Variants in DYNC2LI1 observed in about 807,000 individuals in gnomAD.
The protein encoded by DYNC2LI1 is cytoplasmic dynein 2 light intermediate chain 1.
A neutral mutation model predicts 51.9 loss-of-function variants in DYNC2LI1; 45 were observed. That is an observed-to-expected ratio of 0.87 (90% CI 0.68 to 1.11). The LOEUF is 1.11. Ranked by LOEUF, DYNC2LI1 falls within the 50% of genes most tolerant of loss-of-function variation. The probability of loss-of-function intolerance (pLI) is 0.00; values close to 1 mark genes in which losing one functional copy is unlikely to be tolerated. For synonymous variants in DYNC2LI1, 130 were observed against 137.8 expected, an observed-to-expected ratio of 0.94 and a Z score of 0.40; for missense variants, 490 against 417.4, an observed-to-expected ratio of 1.17 and a Z score of -1.51.
the DYNC2LI1 span, chr2:43,819,977 T>C: frequency 3.1e-6 from 5 of 1,614,148 alleles, no homozygotes; most frequent in Non-Finnish European, 4.2e-6. Flanking sequence ...CACTGTTGAC[T>C]ATATTTGGAT....
chr2:43,810,422 A>G (rs749071603), downstream of DYNC2LI1: 19 of 985,306 alleles, frequency 1.9e-5, no homozygotes, highest in African/African-American at 3.5e-5. Flanking sequence ...AGGACAAAAC[A>G]TCATGTGTTG....
At chr2:43,820,158 C>T in the DYNC2LI1 span, 3 of 1,546,080 alleles carry the variant, frequency 1.9e-6, no homozygotes, top group Non-Finnish European at 2.6e-6. Flanking sequence ...AAGAAAAATA[C>T]TGCACTTGCC....
At chr2:43,789,144 C>G (rs535461068) in intron 4 of DYNC2LI1, among the ~76,000 whole-genome samples, 2 of 152,298 alleles carry the variant, frequency 1.3e-5, no homozygotes, top group South Asian at 2.1e-4. Flanking sequence ...TGATCCGCAG[C>G]CAGGATTGCC....
At chr2:43,814,780 A>G (rs1316076250), downstream of DYNC2LI1, among the ~76,000 whole-genome samples, 2 of 152,256 alleles carry the variant, frequency 1.3e-5, no homozygotes, top group Non-Finnish European at 2.9e-5. Flanking sequence ...TTGCCTAGAA[A>G]TAACTATTGT....
chr2:43,822,481 C>CT, the DYNC2LI1 span: 1 of 875,626 alleles, frequency 1.1e-6, no homozygotes, highest in Non-Finnish European at 1.4e-6. Flanking sequence ...CCCCCAGGCC[C>CT]CCCCCCATGC....
chr2:43,795,305 A>G, intron 6 of DYNC2LI1: 1 of 486,564 alleles, frequency 2.1e-6, no homozygotes, highest in South Asian at 8.9e-5. Context: ...AGAGATCAAG[A>G]CCATCCTGGC....
chr2:43,781,526 T>A (rs541925359), intron 2 of DYNC2LI1: 1 of 152,370 alleles, frequency 6.6e-6, no homozygotes, highest in East Asian at 1.9e-4. Flanking sequence ...ATGTAGCCCT[T>A]ATTAATTTAG....
At chr2:43,813,290 C>A (rs1162556058), downstream of DYNC2LI1, 1 of 1,613,406 alleles carries the variant, frequency 6.2e-7, no homozygotes, top group Non-Finnish European at 8.5e-7. Flanking sequence ...GATTAGTTGT[C>A]ACAGAAACAT....
At chr2:43,806,821 C>A (rs947266431) in intron 12 of DYNC2LI1, among the ~76,000 whole-genome samples, 2 of 152,104 alleles carry the variant, frequency 1.3e-5, no homozygotes, top group Admixed American at 6.5e-5. Context: ...CCCCACAGTA[C>A]CCATATCACC....
At chr2:43,780,589 G>A (rs1419046106) in intron 2 of DYNC2LI1, among the ~76,000 whole-genome samples, 2 of 152,088 alleles carry the variant, frequency 1.3e-5, no homozygotes, top group Non-Finnish European at 2.9e-5. Context: ...AGGGGTTCAG[G>A]GTAAGTCATA....
the DYNC2LI1 span, among the ~76,000 whole-genome samples, chr2:43,820,860 G>T: frequency 1.3e-5 from 2 of 151,960 alleles, no homozygotes; most frequent in South Asian, 4.2e-4. Flanking sequence ...TGCCATATTG[G>T]CCAGGCTGGT....
At chr2:43,803,205 C>T (rs1380835543) in intron 10 of DYNC2LI1, among the ~76,000 whole-genome samples, 4 of 152,050 alleles carry the variant, frequency 2.6e-5, no homozygotes, top group Non-Finnish European at 4.4e-5. Flanking sequence ...AACTCTCACA[C>T]AAAAAATCTC....
At position 43,784,651 on chromosome 2, in the gene DYNC2LI1, C is replaced by T. The variant is rs1572699592; in HGVS notation, c.161+1097C>T. Among the ~76,000 whole-genome samples, 6 of 152,248 alleles carry T rather than the reference C, an allele frequency of 3.9e-5. No homozygotes were observed. In the Middle Eastern group the frequency reaches 0.017, roughly 432 times the overall value. On this transcript the variant is annotated intron_variant, in intron 3 of 12. Transcript: ENST00000260605. ...GTTTCTCCATGTTGGTCAGGCTGGTCTCGAACTCACGATGTCAGGTGATCC... is the reference window on the plus strand; with the variant it reads ...GTTTCTCCATGTTGGTCAGGCTGGTTTCGAACTCACGATGTCAGGTGATCC...
intron 2 of DYNC2LI1, among the ~76,000 whole-genome samples, chr2:43,781,953 G>A: frequency 6.6e-6 from 1 of 151,860 alleles, no homozygotes; most frequent in East Asian, 1.9e-4. Context: ...CCTTCAGCTA[G>A]AAATAATCAT....
At position 43,787,224 on chromosome 2, in the gene DYNC2LI1, G is replaced by C. The variant is rs767900091; in HGVS notation, c.205G>C (p.Gly69Arg). 5.0e-5 allele frequency: 81 copies of C among 1,613,162 alleles called. No homozygotes were observed. Among genetic ancestry groups the C allele is most frequent in the Non-Finnish European group, 6.5e-5 (77 of 1,179,528 alleles). The change falls in exon 4 of 13, where the codon GGA becomes CGA. Residue 69 changes from glycine to arginine, a missense_variant. Transcript: ENST00000260605. Reference sequence around the variant, plus strand: ...AACCTTAGCTTTGGAATATACATATGGAAGAAGAGCAAAAGGGCACAACAC... The same window carrying C: ...AACCTTAGCTTTGGAATATACATATCGAAGAAGAGCAAAAGGGCACAACAC... Reference protein sequence around the residue: ...KPTLALEYTYGRRAKGHNTPK... With the variant: ...KPTLALEYTYRRRAKGHNTPK...
rs1018916199 is a variant in DYNC2LI1, at chr2:43,783,467, A to C, written c.127-53A>C. 6 of 1,340,252 alleles carry C rather than the reference A, an allele frequency of 4.5e-6. No individual in the cohort carries two copies. The African/African-American group carries it at 9.2e-5, about 20-fold the overall frequency. 83.0% of individuals were successfully genotyped at this position (1,340,252 alleles called of 1,614,324 possible). On this transcript the variant is annotated intron_variant, in intron 2 of 12. Transcript: ENST00000260605. ...GGCCACAATTACGAACAATAATACA[A>C]TTTTTACATATGAGTGACATTAACG...
the DYNC2LI1 span, among the ~76,000 whole-genome samples, chr2:43,823,682 T>C: frequency 3.3e-5 from 5 of 152,172 alleles, no homozygotes; most frequent in African/African-American, 1.2e-4. Context: ...CAGTACATTG[T>C]CACTTCATGT....
At chr2:43,791,137 C>T (rs1241611199) in intron 5 of DYNC2LI1, among the ~76,000 whole-genome samples, 1 of 152,164 alleles carries the variant, frequency 6.6e-6, no homozygotes, top group East Asian at 1.9e-4. Context: ...AGGAGGATTG[C>T]GTGAGCCAGG....
chr2:43,788,055 T>C (rs1017512097), intron 4 of DYNC2LI1, among the ~76,000 whole-genome samples: 7 of 152,204 alleles, frequency 4.6e-5, no homozygotes, highest in Non-Finnish European at 7.3e-5. Flanking sequence ...CAGGAGAACT[T>C]CATTTTTGTG....
Sources: gnomAD v4.1 joint callset for allele counts (sites outside exome capture counted in the v4.1 genomes callset) on GRCh38, gnomAD v4.1.1 for gene constraint, MANE v1.5 for transcripts, NCBI Gene and HGNC (gene_info 2026-07-23, HGNC 2026-07-21) for gene names.